TKT: variants seen among roughly 807,000 people sequenced by gnomAD.
TKT encodes the protein epididymis luminal protein 107.
A neutral mutation model predicts 63.9 loss-of-function variants in TKT; 47 were observed. The observed-to-expected ratio is 0.74, with a 90% CI of 0.58 to 0.94. The LOEUF (loss-of-function observed/expected upper bound fraction) is 0.94. TKT is among the 40% of genes least tolerant of loss of function. The pLI is 0.00. For synonymous variants in TKT, 338 were observed against 334.1 expected, an observed-to-expected ratio of 1.01 and a Z score of -0.13; for missense variants, 721 against 846.2, an observed-to-expected ratio of 0.85 and a Z score of 1.84.
At chr3:53,227,667 G>T in intron 12 of TKT, 1 of 196,900 alleles carries the variant, frequency 5.1e-6, no homozygotes. Context: ...GAGCTCTGAG[G>T]GCAAGGGGCT....
At chr3:53,245,921 C>T (rs1705483876) in intron 1 of TKT, among the ~76,000 whole-genome samples, 1 of 151,818 alleles carries the variant, frequency 6.6e-6, no homozygotes, top group Non-Finnish European at 1.5e-5. Context: ...CCAGCAACTT[C>T]ACCAGTAGGA....
In TKT at chr3:53,227,952, C is replaced by T. The variant is rs1175130960; in HGVS notation, c.1573+104G>A. The stretch of plus-strand genomic sequence containing the variant: ...ATGAAATGAAATGCTTTCTCTCTAG[C>T]TGTGAGCTCTTCAAGAAAGAACAGA... On this transcript the variant is annotated intron_variant, in intron 12 of 13. Coordinates refer to ENST00000462138, the MANE Select transcript of TKT (RefSeq NM_001064.4). 1.4e-5 allele frequency: 13 copies of T among 928,578 alleles called. No homozygotes were observed. In the Admixed American group the frequency reaches 3.2e-4, roughly 23 times the overall value. 57.5% of individuals were successfully genotyped at this position (928,578 alleles called of 1,614,324 possible).
At chr3:53,230,400 C>A (rs1553676712) in intron 8 of TKT, 57 bp downstream of exon 8, 1 of 1,610,430 alleles carries the variant, frequency 6.2e-7, no homozygotes, top group Non-Finnish European at 8.5e-7. Flanking sequence ...CCCCGCACCC[C>A]TCAGACCACA....
intron 1 of TKT, among the ~76,000 whole-genome samples, chr3:53,248,118 T>TA (rs1553681188): frequency 2.6e-4 from 39 of 152,332 alleles, no homozygotes; most frequent in African/African-American, 8.4e-4. Flanking sequence ...TGATGTAGTG[T>TA]GTATGTACAG....
chr3:53,230,757 C>A (rs1194415021), intron 7 of TKT, 136 bp from the exon 8 acceptor site: 3 of 1,051,400 alleles, frequency 2.9e-6, no homozygotes, highest in Non-Finnish European at 4.0e-6. Flanking sequence ...CCTGCAGAGG[C>A]TTTTAACTGC....
rs202095974 is a variant in TKT, at chr3:53,241,287, G to A, written c.226-42C>T. 3.7e-5 allele frequency: 57 copies of A among 1,552,332 alleles called. No individual in the cohort carries two copies. In the East Asian group the frequency reaches 6.9e-4, roughly 19 times the overall value. The stretch of plus-strand genomic sequence containing the variant: ...GGTGGGGTGAGGTCAGGTGGGGAGC[G>A]GTTCTACTTCGGGCTGTGCCTACTT... On this transcript the variant is annotated intron_variant, in intron 2 of 13. Transcript: ENST00000462138.
intron 13 of TKT, 152 bp downstream of exon 13, chr3:53,226,604 T>C: frequency 8.7e-7 from 1 of 1,146,742 alleles, no homozygotes; most frequent in Non-Finnish European, 1.2e-6. Context: ...CCTGAGGCCT[T>C]TTAAGAGACC....
chr3:53,229,041 G>A lies in TKT; in HGVS notation c.1361C>T (p.Thr454Ile). The change falls in exon 10 of 14, where the codon ACA (threonine) becomes ATA (isoleucine). Residue 454 changes from threonine (T) to isoleucine (I), a missense_variant. Transcript: ENST00000462138. ...GGCGGCTAGTTCCACTGCCTTCTCT[G>A]TAGCAACGCCATCACTTGGGTAAAA... ...TVFYPSDGVA[T>I]EKAVELAANT... The A allele has an allele frequency of 1.2e-6, 2 of 1,614,148 alleles. No homozygotes were observed. Among genetic ancestry groups the A allele is most frequent in the Non-Finnish European group, 1.7e-6 (2 of 1,180,030 alleles).
At chr3:53,247,167 G>T (rs7630632) in intron 1 of TKT, among the ~76,000 whole-genome samples, 70,882 of 151,098 alleles carry the variant, frequency 0.47, 18,926 homozygotes, top group Admixed American at 0.61. Context: ...GACCAGCTTG[G>T]CCAACAAGGT....
At chr3:53,247,848 T>C (rs1201377554) in intron 1 of TKT, among the ~76,000 whole-genome samples, 3 of 152,038 alleles carry the variant, frequency 2.0e-5, no homozygotes, top group African/African-American at 7.2e-5. Context: ...CCACACTGTC[T>C]AAAATAGCTC....
In TKT at chr3:53,226,852, G is replaced by A. The variant is rs1553675656; in HGVS notation, c.1600C>T (p.Pro534Ser). 3 of 1,612,994 alleles carry A rather than the reference G, an allele frequency of 1.9e-6. No individual in the cohort carries two copies. ...KEKINIRVLD[P>S]FTIKPLDRKL... ...CTGTCCAGGGGCTTGATGGTGAAGG[G>A]GTCCAGCACGCGGATGTTGATCTTT... The change falls in exon 13 of 14, where the codon CCC becomes TCC. Residue 534 changes from proline (P) to serine (S), a missense_variant. Coordinates refer to ENST00000462138, the MANE Select transcript of TKT (RefSeq NM_001064.4).
intron 5 of TKT, chr3:53,234,581 TG>T (rs1704923342): frequency 6.4e-6 from 1 of 156,898 alleles, no homozygotes. Flanking sequence ...CTCCCCAGGC[TG>T]GGCGGGGCTG....
chr3:53,241,127 C>T lies in TKT; in HGVS notation c.339+5G>A, dbSNP rs1282633838. The T allele has an allele frequency of 1.9e-6, 3 of 1,549,970 alleles. No individual in the cohort carries two copies. Among genetic ancestry groups the T allele is most frequent in the Non-Finnish European group, 2.6e-6 (3 of 1,157,138 alleles). On this transcript the variant is annotated splice_donor_5th_base_variant and intron_variant, in intron 3 of 13. Transcript: ENST00000462138. ...GGCATGGGAGGCTCTGGCAGGAGCACTTACCGGGACCGGGTGCCCGTCCAA... is the reference window on the plus strand; with the variant it reads ...GGCATGGGAGGCTCTGGCAGGAGCATTTACCGGGACCGGGTGCCCGTCCAA...
At chr3:53,227,211 T>C in intron 12 of TKT, 1 of 220,784 alleles carries the variant, frequency 4.5e-6, no homozygotes, top group Non-Finnish European at 9.1e-6. Context: ...GTGTCTGGCC[T>C]GATGGAAGGT....
intron 1 of TKT, among the ~76,000 whole-genome samples, chr3:53,254,966 C>G (rs1022999947): frequency 6.6e-6 from 1 of 152,256 alleles, no homozygotes; most frequent in South Asian, 2.1e-4. Context: ...CACCTGGTGG[C>G]TGGCCCTGCC....
chr3:53,231,332 C>G (rs1396468101), intron 7 of TKT, 25 bp downstream of exon 7: 4 of 1,609,924 alleles, frequency 2.5e-6, no homozygotes, highest in Non-Finnish European at 3.4e-6. Flanking sequence ...ACTATGGGTT[C>G]AGAGAAACAG....
chr3:53,248,209 G>T (rs1014812784), intron 1 of TKT, among the ~76,000 whole-genome samples: 1 of 152,220 alleles, frequency 6.6e-6, no homozygotes, highest in Non-Finnish European at 1.5e-5. Flanking sequence ...GGCCACTAAG[G>T]TTCACAGAAA....
rs1553675296 is a variant in TKT at position 53,225,750 on chromosome 3, C to T, written c.*6G>A. The T allele has an allele frequency of 6.2e-7, 1 of 1,604,832 alleles. No homozygotes were observed. On this transcript the variant is annotated 3_prime_UTR_variant, in exon 14 of 14. Transcript: ENST00000462138. ...ATAGACCCCCGCCCCACACTTCATA[C>T]CCGCCCTAGGCCTTGGTGATGAGGC...
At chr3:53,228,021 C>T in intron 12 of TKT, 35 bp downstream of exon 12, 1 of 1,595,164 alleles carries the variant, frequency 6.3e-7, no homozygotes, top group Non-Finnish European at 8.6e-7. Context: ...GCAGTGGCCG[C>T]TCAGTTGATG....
Sources: gnomAD v4.1 joint callset for allele counts (sites outside exome capture counted in the v4.1 genomes callset) on GRCh38, gnomAD v4.1.1 for gene constraint, MANE v1.5 for transcripts, NCBI Gene and HGNC (gene_info 2026-07-23, HGNC 2026-07-21) for gene names.